DHRSX: variants seen among roughly 807,000 people sequenced by gnomAD.
DHRSX encodes the protein dehydrogenase/reductase X-linked.
In DHRSX, 31 loss-of-function variants were observed where a neutral mutation model predicts 34.0. That is an observed-to-expected ratio of 0.91 (90% confidence interval 0.69 to 1.23). The LOEUF is 1.23. Among genes scored for constraint, DHRSX ranks in the 50% most tolerant of loss-of-function variants. The pLI, the probability that DHRSX is intolerant of heterozygous loss-of-function variation, is 0.00. For synonymous variants in DHRSX, 201 were observed against 183.8 expected (o/e 1.09, Z -0.76); for missense variants, 414 against 428.1 (o/e 0.97, Z 0.29).
intron 3 of DHRSX, among the ~76,000 whole-genome samples, chrX:2,291,894 G>GTTTTT (rs1162716010): frequency 1.2e-4 from 11 of 95,310 alleles, no homozygotes; most frequent in African/African-American, 4.3e-4. Flanking sequence ...TTGTATTTTT[G>GTTTTT]TATTTTTTTT....
intron 1 of DHRSX, among the ~76,000 whole-genome samples, chrX:2,457,918 T>C (rs1303037468): frequency 2.0e-5 from 3 of 151,392 alleles, no homozygotes; most frequent in East Asian, 1.9e-4. Context: ...CGTAAGCATG[T>C]AGCCAAGGGA....
intron 1 of DHRSX, among the ~76,000 whole-genome samples, chrX:2,479,072 G>T (rs1409736400): frequency 6.6e-6 from 1 of 152,120 alleles, no homozygotes; most frequent in African/African-American, 2.4e-5. Context: ...GCACACTGAA[G>T]ATGTTCCCTA....
At chrX:2,303,132 A>AT (rs112152606) in intron 3 of DHRSX, among the ~76,000 whole-genome samples, 20 of 152,052 alleles carry the variant, frequency 1.3e-4, no homozygotes, top group Non-Finnish European at 2.2e-4. Flanking sequence ...GTGTGAATGG[A>AT]TTTTTTTTAA....
chrX:2,251,558 G>A (rs1055417724), intron 5 of DHRSX, among the ~76,000 whole-genome samples: 1 of 152,140 alleles, frequency 6.6e-6, no homozygotes, highest in African/African-American at 2.4e-5. Context: ...CTGGAAACTG[G>A]ACACAGCAGT....
At chrX:2,476,996 C>G (rs1056956246) in intron 1 of DHRSX, among the ~76,000 whole-genome samples, 7 of 152,118 alleles carry the variant, frequency 4.6e-5, no homozygotes, top group Admixed American at 4.6e-4. Flanking sequence ...TAGCAAAACT[C>G]CATCTCGAAA....
At chrX:2,412,131 A>G (rs926669113) in intron 2 of DHRSX, among the ~76,000 whole-genome samples, 6 of 152,232 alleles carry the variant, frequency 3.9e-5, no homozygotes, top group African/African-American at 1.4e-4. Context: ...CAAGTACTGC[A>G]TATGCAGAAA....
chrX:2,401,472 A>G (rs988776525), intron 3 of DHRSX, among the ~76,000 whole-genome samples: 10 of 152,188 alleles, frequency 6.6e-5, no homozygotes, highest in Admixed American at 5.9e-4. Context: ...ATTATAGAAA[A>G]TGAGGACACC....
chrX:2,323,417 T>C (rs2042337155), intron 3 of DHRSX, among the ~76,000 whole-genome samples: 2 of 152,098 alleles, frequency 1.3e-5, no homozygotes, highest in Admixed American at 6.6e-5. Context: ...AGGAGTGAGA[T>C]GCCTCAAGAC....
At chrX:2,363,553 T>C (rs763173564) in intron 3 of DHRSX, among the ~76,000 whole-genome samples, 12 of 149,188 alleles carry the variant, frequency 8.0e-5, no homozygotes, top group Admixed American at 1.3e-4. Flanking sequence ...GCCGCCATTT[T>C]ATCACTGTTC....
Position 2,243,229 on chromosome X carries a change from C to T in DHRSX, c.598G>A (p.Ala200Thr), listed in dbSNP as rs779785805. ...ELNMDDLQSSACYSPHAAYAQ... is the reference protein window; with the variant it reads ...ELNMDDLQSSTCYSPHAAYAQ... ...TAGGCTGCGTGGGGTGAGTAGCAGG[C>T]ACTGTGGGGCAAGCAGGAGAAGGTG... is the stretch of plus-strand genomic sequence containing the variant. Residue 200 changes from alanine to threonine, a missense_variant and splice_region_variant, in exon 6 of 7, where the codon GCC (alanine) becomes ACC (threonine). By Grantham distance (58) the Ala-to-Thr change is moderately conservative. Coordinates refer to ENST00000334651, the MANE Select transcript of DHRSX (RefSeq NM_145177.3). 9.3e-6 allele frequency: 15 copies of T among 1,612,890 alleles called. No homozygotes were observed. The East Asian group carries it at 2.7e-4, about 29-fold the overall frequency.
chrX:2,395,375 C>T (rs1182132396), intron 3 of DHRSX, among the ~76,000 whole-genome samples: 12 of 152,144 alleles, frequency 7.9e-5, no homozygotes, highest in Admixed American at 3.3e-4. Context: ...TAAGTCCCTG[C>T]GCGCACCACA....
chrX:2,287,660 C>T (rs1180032979), intron 4 of DHRSX, among the ~76,000 whole-genome samples: 2 of 152,168 alleles, frequency 1.3e-5, no homozygotes, highest in Non-Finnish European at 2.9e-5. Context: ...ACATCCTAAT[C>T]CCCATGTGGA....
At chrX:2,477,638 G>A (rs1270194970) in intron 1 of DHRSX, among the ~76,000 whole-genome samples, 1 of 152,136 alleles carries the variant, frequency 6.6e-6, no homozygotes, top group African/African-American at 2.4e-5. Flanking sequence ...CTGAGGTCAG[G>A]AGTTCGAGAC....
chrX:2,257,015 T>C (rs887582198), intron 5 of DHRSX, among the ~76,000 whole-genome samples: 2 of 152,216 alleles, frequency 1.3e-5, no homozygotes, highest in Non-Finnish European at 2.9e-5. Flanking sequence ...AGTGGTGCGA[T>C]CTTGGCTCAC....
intron 3 of DHRSX, among the ~76,000 whole-genome samples, chrX:2,315,644 C>T (rs1353551120): frequency 4.6e-5 from 7 of 152,066 alleles, no homozygotes; most frequent in Admixed American, 6.6e-5. Flanking sequence ...ACGCCCCAAA[C>T]GTAGTAGTTT....
intron 3 of DHRSX, among the ~76,000 whole-genome samples, chrX:2,359,458 G>A (rs1249447135): frequency 1.3e-5 from 2 of 151,974 alleles, no homozygotes; most frequent in Admixed American, 6.6e-5. Context: ...CGGGTGGATC[G>A]CGAGGTCAGG....
At chrX:2,337,539 C>T (rs1032348689) in intron 3 of DHRSX, among the ~76,000 whole-genome samples, 1 of 151,836 alleles carries the variant, frequency 6.6e-6, no homozygotes, top group Non-Finnish European at 1.5e-5. Flanking sequence ...GAATTTATTT[C>T]CACACAGGGG....
intron 6 of DHRSX, among the ~76,000 whole-genome samples, chrX:2,238,962 C>G (rs2016079797): frequency 6.6e-6 from 1 of 152,088 alleles, no homozygotes; most frequent in African/African-American, 2.4e-5. Flanking sequence ...CACAGCAATA[C>G]AGAATTATCA....
Position 2,221,083 on chromosome X carries a change from A to G in DHRSX, c.951T>C (p.Ser317=). The G allele has an allele frequency of 1.9e-6, 3 of 1,613,916 alleles. No individual in the cohort carries two copies. The highest frequency in any genetic ancestry group is 2.5e-6 in the Non-Finnish European group (3 of 1,179,850). The part of the protein sequence containing the change: ...YNQKLQQQLW[S]KSCEMTGVLD... ...GGACCCCAGTCATCTCACAACTCTT[A>G]GACCACAGCTGCTGCTGCAGTTTCT... The change falls in exon 7 of 7, where the codon TCT becomes TCC. Residue 317 remains serine, a synonymous_variant. Transcript: ENST00000334651.
Sources: gnomAD v4.1 joint callset for allele counts (sites outside exome capture counted in the v4.1 genomes callset) on GRCh38, gnomAD v4.1.1 for gene constraint, MANE v1.5 for transcripts, NCBI Gene and HGNC (gene_info 2026-07-23, HGNC 2026-07-21) for gene names.